The following RANBP17 variants were observed in gnomAD, a reference collection of about 807,000 sequenced individuals.
The protein encoded by RANBP17 is ran-binding protein 17.
Under a neutral mutation model 141.2 loss-of-function variants are expected in RANBP17, and 158 were observed. The observed-to-expected ratio is 1.12, with a 90% CI of 0.98 to 1.28. RANBP17 has a LOEUF of 1.28. RANBP17 is among the 50% of genes most tolerant of loss of function. The pLI is 0.00. For synonymous variants in RANBP17, 430 were observed against 450.0 expected, an observed-to-expected ratio of 0.96 and a Z score of 0.56; for missense variants, 1,438 against 1,290.7, an observed-to-expected ratio of 1.11 and a Z score of -1.75.
Position 171,018,204 on chromosome 5 carries a change from G to C in RANBP17, c.1710+49827G>C, listed in dbSNP as rs189234465. Reference sequence around the variant, plus strand: ...CAGGTCGTGTGATGCCTCCAGCTTTGTTCTTTTTGCTTAAGATTGTCTTGG... The same window carrying C: ...CAGGTCGTGTGATGCCTCCAGCTTTCTTCTTTTTGCTTAAGATTGTCTTGG... On this transcript the variant is annotated intron_variant, in intron 14 of 27. Coordinates refer to ENST00000523189, the MANE Select transcript of RANBP17 (RefSeq NM_022897.5). Among the ~76,000 whole-genome samples the C allele has an allele frequency of 1.7e-3, 266 of 152,150 alleles. 1 individual carries two copies. Among genetic ancestry groups the C allele is most frequent in the African/African-American group, 6.0e-3 (248 of 41,538 alleles).
At chr5:171,240,648 A>G (rs1764811750) in intron 22 of RANBP17, among the ~76,000 whole-genome samples, 1 of 152,150 alleles carries the variant, frequency 6.6e-6, no homozygotes, top group Non-Finnish European at 1.5e-5. Flanking sequence ...ACTTAATGAA[A>G]TTTTACATAT....
At chr5:170,939,368 T>C (rs1261565448) in intron 12 of RANBP17, among the ~76,000 whole-genome samples, 1 of 122,686 alleles carries the variant, frequency 8.2e-6, no homozygotes, top group Non-Finnish European at 1.7e-5. Context: ...ATTTTATTTA[T>C]TTATTTATTT....
chr5:171,000,174 G>A (rs549264781), intron 14 of RANBP17, among the ~76,000 whole-genome samples: 2 of 152,166 alleles, frequency 1.3e-5, no homozygotes, highest in East Asian at 3.9e-4. Flanking sequence ...CCATGTTTTA[G>A]CTATCATGAA....
At chr5:170,926,186 A>C (rs966240047) in intron 12 of RANBP17, among the ~76,000 whole-genome samples, 10 of 86,462 alleles carry the variant, frequency 1.2e-4, no homozygotes, top group Non-Finnish European at 2.2e-4. Context: ...GCAACTACTC[A>C]AGTCTGCCTT....
chr5:170,869,631 CATCTT>C (rs755498092), intron 1 of RANBP17, among the ~76,000 whole-genome samples: 41 of 152,172 alleles, frequency 2.7e-4, no homozygotes, highest in Non-Finnish European at 5.3e-4. Flanking sequence ...TCTCTGCCTA[CATCTT>C]CATATGGTCT....
intron 9 of RANBP17, 57 bp downstream of exon 9, chr5:170,916,641 G>A: frequency 2.6e-6 from 3 of 1,176,248 alleles, no homozygotes; most frequent in Non-Finnish European, 2.3e-6. Context: ...TCAGCTAAAG[G>A]CACATAATAA....
chr5:171,210,895 C>T (rs1168648295), intron 20 of RANBP17, among the ~76,000 whole-genome samples: 1 of 150,512 alleles, frequency 6.6e-6, no homozygotes, highest in Non-Finnish European at 1.5e-5. Context: ...GTCTCAGCTA[C>T]TTGGGAGGCT....
chr5:171,172,406 C>G (rs1029289111), intron 16 of RANBP17, among the ~76,000 whole-genome samples: 1 of 151,432 alleles, frequency 6.6e-6, no homozygotes, highest in Non-Finnish European at 1.5e-5. Flanking sequence ...GATATTAAAT[C>G]AGAAAAATGA....
At position 170,896,044 on chromosome 5, in the gene RANBP17, C is replaced by T; in HGVS notation, c.424-6C>T. The T allele has an allele frequency of 6.3e-7, 1 of 1,575,490 alleles. No homozygotes were observed. Among genetic ancestry groups the T allele is most frequent in the South Asian group, 1.2e-5 (1 of 84,112 alleles). On this transcript the variant is annotated splice_region_variant and splice_polypyrimidine_tract_variant and intron_variant, in intron 4 of 27. Transcript: ENST00000523189. The stretch of plus-strand genomic sequence containing the variant: ...CTTAGGCTAAACTTTGTTATTTTCT[C>T]CAAAGGGTACTGTGGAACACTGCAT...
intron 12 of RANBP17, among the ~76,000 whole-genome samples, chr5:170,946,778 T>C (rs502510): frequency 0.15 from 23,110 of 152,142 alleles, 1,859 homozygotes; most frequent in African/African-American, 0.18. Context: ...CATAACAAGC[T>C]TTTTTTCTTT....
intron 14 of RANBP17, among the ~76,000 whole-genome samples, chr5:171,090,970 A>T (rs145789253): frequency 1.3e-5 from 2 of 152,198 alleles, no homozygotes; most frequent in Non-Finnish European, 2.9e-5. Context: ...CTGCTAGGGC[A>T]GTGCAGAAGG....
intron 5 of RANBP17, among the ~76,000 whole-genome samples, chr5:170,907,065 C>T (rs937989541): frequency 2.0e-5 from 3 of 151,818 alleles, no homozygotes; most frequent in Admixed American, 2.0e-4. Flanking sequence ...ATTAAATATT[C>T]TAGTTATCAG....
chr5:171,288,020 GC>G (rs1036511106), intron 25 of RANBP17, among the ~76,000 whole-genome samples: 2 of 152,072 alleles, frequency 1.3e-5, no homozygotes, highest in African/African-American at 4.8e-5. Flanking sequence ...AGGGAAATTG[GC>G]TTAATTTACT....
chr5:171,057,757 T>A (rs1249597171), intron 14 of RANBP17, among the ~76,000 whole-genome samples: 1 of 152,034 alleles, frequency 6.6e-6, no homozygotes, highest in Non-Finnish European at 1.5e-5. Flanking sequence ...CTTCATAGGG[T>A]AGCATGATGG....
intron 14 of RANBP17, among the ~76,000 whole-genome samples, chr5:170,978,491 A>G (rs1777542177): frequency 6.6e-6 from 1 of 152,162 alleles, no homozygotes; most frequent in Non-Finnish European, 1.5e-5. Flanking sequence ...ATGTATACTC[A>G]TACACTGTAA....
intron 25 of RANBP17, among the ~76,000 whole-genome samples, chr5:171,275,493 T>C (rs1174555625): frequency 3.9e-5 from 6 of 152,182 alleles, no homozygotes; most frequent in Non-Finnish European, 5.9e-5. Flanking sequence ...ACATAGGAAT[T>C]CCATGTTTAC....
chr5:170,892,658 C>T, intron 4 of RANBP17, 105 bp downstream of exon 4: 1 of 743,056 alleles, frequency 1.3e-6, no homozygotes, highest in South Asian at 2.5e-5. Flanking sequence ...CTACCAGTAC[C>T]ATGTTAATTA....
chr5:171,029,410 G>A (rs971952630), intron 14 of RANBP17, among the ~76,000 whole-genome samples: 6 of 152,024 alleles, frequency 3.9e-5, no homozygotes, highest in East Asian at 1.9e-4. Flanking sequence ...TTATACCTTC[G>A]TAATTTTAAT....
intron 12 of RANBP17, among the ~76,000 whole-genome samples, chr5:170,937,854 T>C (rs1266406868): frequency 4.6e-5 from 7 of 152,202 alleles, no homozygotes; most frequent in Non-Finnish European, 8.8e-5. Context: ...TTAAAAAATA[T>C]ATAGCACAGA....
Sources: allele counts gnomAD v4.1 joint callset (sites outside exome capture counted in the v4.1 genomes callset), GRCh38; gene constraint gnomAD v4.1.1; transcripts MANE v1.5; gene names NCBI Gene and HGNC (gene_info 2026-07-23, HGNC 2026-07-21).